The following SMC6 variants were observed in gnomAD, a reference collection of about 807,000 sequenced individuals.
SMC6 encodes the protein structural maintenance of chromosomes 6.
In SMC6, 79 loss-of-function variants were observed where a neutral mutation model predicts 142.2. That is an observed-to-expected ratio of 0.56 (90% CI 0.46 to 0.67). The LOEUF is 0.67. Ranked by LOEUF, SMC6 falls within the 30% of genes least tolerant of loss-of-function variation. The probability of loss-of-function intolerance (pLI) is 0.00; values close to 1 mark genes in which losing one functional copy is unlikely to be tolerated. For synonymous variants in SMC6, 411 were observed against 412.4 expected (o/e 1.00, Z 0.04); for missense variants, 1,072 against 1,284.0 (o/e 0.83, Z 2.52).
chr2:17,685,118 C>G (rs1476425474), intron 23 of SMC6, among the ~76,000 whole-genome samples: 1 of 112,822 alleles, frequency 8.9e-6, no homozygotes, highest in Middle Eastern at 4.3e-3. Context: ...ATGAGAAAAT[C>G]AAGCAAAATG....
intron 4 of SMC6, chr2:17,740,799 G>A (rs75044131): frequency 0.012 from 4,870 of 403,536 alleles, 45 homozygotes; most frequent in Non-Finnish European, 0.015. Flanking sequence ...GCATTGAGCC[G>A]AGATCGCACC....
intron 23 of SMC6, among the ~76,000 whole-genome samples, chr2:17,692,438 G>A (rs1468937043): frequency 2.0e-5 from 3 of 152,048 alleles, no homozygotes; most frequent in African/African-American, 4.8e-5. Flanking sequence ...CAAACCTCAC[G>A]AAAACAAGAA....
At chr2:17,700,405 G>T in intron 20 of SMC6, 27 bp from the exon 21 acceptor site, 2 of 1,521,856 alleles carry the variant, frequency 1.3e-6, no homozygotes, top group Non-Finnish European at 1.8e-6. Context: ...AGCATATAAG[G>T]TTAATTAAAA....
intron 18 of SMC6, among the ~76,000 whole-genome samples, chr2:17,705,890 A>G (rs1379866331): frequency 2.0e-5 from 3 of 152,138 alleles, no homozygotes; most frequent in Admixed American, 2.0e-4. Flanking sequence ...GTGTGGGATG[A>G]ATACATCTTT....
intron 17 of SMC6, 91 bp downstream of exon 17, chr2:17,708,548 T>C (rs1668664564): frequency 7.2e-6 from 4 of 555,736 alleles, no homozygotes; most frequent in Non-Finnish European, 1.1e-5. Context: ...AGCAACTCTA[T>C]GATAAAAGGG....
Position 17,731,878 on chromosome 2 carries a change from C to G in SMC6, c.345-1G>C. The G allele has an allele frequency of 6.2e-7, 1 of 1,612,582 alleles. No homozygotes were observed. Among genetic ancestry groups the G allele is most frequent in the Non-Finnish European group, 8.5e-7 (1 of 1,179,352 alleles). On this transcript the variant is annotated splice_acceptor_variant, in intron 5 of 27. Transcript: ENST00000448223. LOFTEE classifies it high-confidence loss of function. Reference sequence around the variant, plus strand: ...CAATGTTATTGAGATATCTGCAGAGCTGAAAGAATGAGGTTGAGCTAAGTT... The same window carrying G: ...CAATGTTATTGAGATATCTGCAGAGGTGAAAGAATGAGGTTGAGCTAAGTT...
intron 11 of SMC6, among the ~76,000 whole-genome samples, chr2:17,719,326 C>A (rs573730064): frequency 1.5e-4 from 23 of 152,198 alleles, no homozygotes; most frequent in African/African-American, 5.5e-4. Context: ...TCTTCAGAAA[C>A]CTTCCATTTA....
intron 24 of SMC6, among the ~76,000 whole-genome samples, chr2:17,683,331 T>C (rs1225913452): frequency 6.6e-6 from 1 of 152,156 alleles, no homozygotes; most frequent in African/African-American, 2.4e-5. Flanking sequence ...TTGTATCCAT[T>C]AAAAACATGC....
intron 5 of SMC6, among the ~76,000 whole-genome samples, chr2:17,735,044 TAATA>T (rs1290516102): frequency 6.6e-6 from 1 of 152,044 alleles, no homozygotes. Context: ...TATATGAATC[TAATA>T]AATACAAGAA....
Position 17,701,738 on chromosome 2 carries a change from G to A in SMC6, c.2223+91C>T, listed in dbSNP as rs554810097. On this transcript the variant is annotated intron_variant, in intron 20 of 27. Coordinates refer to ENST00000448223, the MANE Select transcript of SMC6 (RefSeq NM_001142286.2). ...TCATAAAGAGTAGCTTCAATTAAAAGAACTTTCTAAAAAAGCTGAGTTGAT... is the reference window on the plus strand; with the variant it reads ...TCATAAAGAGTAGCTTCAATTAAAAAAACTTTCTAAAAAAGCTGAGTTGAT... 4.6e-4 allele frequency: 345 copies of A among 756,704 alleles called. 1 individual carries two copies. The highest frequency in any genetic ancestry group is 2.4e-3 in the African/African-American group (134 of 55,188). 46.9% of individuals were successfully genotyped at this position (756,704 alleles called of 1,614,324 possible). A position where few individuals can be genotyped will look rare whatever the true frequency, so the allele number is the denominator to read the frequency against.
At chr2:17,733,721 T>A (rs891917550) in intron 5 of SMC6, among the ~76,000 whole-genome samples, 1 of 152,176 alleles carries the variant, frequency 6.6e-6, no homozygotes, top group Non-Finnish European at 1.5e-5. Flanking sequence ...TATAGTCTGA[T>A]AAGAAAATAG....
intron 27 of SMC6, 106 bp from the exon 28 acceptor site, chr2:17,665,719 T>C (rs1213312576): frequency 3.9e-5 from 21 of 541,230 alleles, no homozygotes; most frequent in Non-Finnish European, 6.7e-5. Context: ...ATTTGGCTTT[T>C]ATCTGGGATA....
rs80026485 is a variant in SMC6 at position 17,708,108 on chromosome 2, G to A, written c.1845+531C>T. ...TGATTACAGATTTGTTTTAAATAACGAGACAATATAAATCACCTTGTCCCT... is the reference window on the plus strand; with the variant it reads ...TGATTACAGATTTGTTTTAAATAACAAGACAATATAAATCACCTTGTCCCT... On this transcript the variant is annotated intron_variant, in intron 17 of 27. Coordinates refer to ENST00000448223, the MANE Select transcript of SMC6 (RefSeq NM_001142286.2). Among the ~76,000 whole-genome samples the A allele has an allele frequency of 8.1e-3, 1,229 of 151,888 alleles. 20 individuals carry two copies. Among genetic ancestry groups the A allele is most frequent in the African/African-American group, 0.029 (1,182 of 41,446 alleles).
At chr2:17,697,497 A>G (rs1668060627) in intron 21 of SMC6, among the ~76,000 whole-genome samples, 1 of 152,082 alleles carries the variant, frequency 6.6e-6, no homozygotes, top group African/African-American at 2.4e-5. Flanking sequence ...AACTCTTACA[A>G]CTCAAAAATA....
chr2:17,725,266 T>C lies in SMC6; in HGVS notation c.717A>G (p.Gln239=), dbSNP rs769177200. Residue 239 remains glutamine (Q), a synonymous_variant, in exon 9 of 28, where the codon CAA becomes CAG. Transcript: ENST00000448223. ...TTAACTGTTTACAAACCTCTTCTCC[T>C]TGATGTATCTGCTCCTTTGTTCTTT... ...TKERTKEQIH[Q]GEERLTELKR... 3 of 1,605,392 alleles carry C rather than the reference T, an allele frequency of 1.9e-6. No homozygotes were observed. Among genetic ancestry groups the C allele is most frequent in the Admixed American group, 1.7e-5 (1 of 58,200 alleles).
chr2:17,723,277 A>T (rs886224857), intron 9 of SMC6, among the ~76,000 whole-genome samples: 2 of 152,114 alleles, frequency 1.3e-5, no homozygotes, highest in African/African-American at 2.4e-5. Flanking sequence ...ATCTTTCCAC[A>T]TCTCTTCTCT....
chr2:17,744,474 G>A (rs1377631192), intron 3 of SMC6, among the ~76,000 whole-genome samples: 1 of 152,098 alleles, frequency 6.6e-6, no homozygotes, highest in Non-Finnish European at 1.5e-5. Context: ...GATTCCTTGA[G>A]ATTTTTTATG....
intron 2 of SMC6, among the ~76,000 whole-genome samples, chr2:17,749,139 T>A (rs565631021): frequency 1.4e-4 from 22 of 152,222 alleles, no homozygotes; most frequent in African/African-American, 5.1e-4. Context: ...CAGATTAAAA[T>A]AGTAAAATTG....
At chr2:17,694,456 A>G (rs540169897) in intron 23 of SMC6, among the ~76,000 whole-genome samples, 1 of 152,330 alleles carries the variant, frequency 6.6e-6, no homozygotes, top group East Asian at 1.9e-4. Flanking sequence ...GGAGTATGTA[A>G]TAACAACAAA....
Sources: allele counts gnomAD v4.1 joint callset (sites outside exome capture counted in the v4.1 genomes callset), GRCh38; gene constraint gnomAD v4.1.1; transcripts MANE v1.5; gene names NCBI Gene and HGNC (gene_info 2026-07-23, HGNC 2026-07-21).